RGS7: variants seen among roughly 807,000 people sequenced by gnomAD.
The protein encoded by RGS7 is regulator of G-protein signaling 7.
RGS7 carries 27 observed loss-of-function variants against 81.1 expected under a neutral mutation model. The observed-to-expected ratio is 0.33, with a 90% CI of 0.25 to 0.46. The LOEUF (loss-of-function observed/expected upper bound fraction) is 0.46, where lower values mean the gene tolerates loss of function less well. Among genes scored for constraint, RGS7 ranks in the 20% least tolerant of loss-of-function variants. The pLI is 1.00. For synonymous variants in RGS7, 208 were observed against 207.7 expected (o/e 1.00, Z -0.01); for missense variants, 396 against 607.4 (o/e 0.65, Z 3.66).
intron 2 of RGS7, among the ~76,000 whole-genome samples, chr1:241,114,496 T>TA (rs377633335): frequency 1.9e-4 from 29 of 149,780 alleles, no homozygotes; most frequent in African/African-American, 3.2e-4. Context: ...ACTTCCACAT[T>TA]AAAAAAAAAA....
chr1:241,347,491 C>A (rs540205145), intron 2 of RGS7, among the ~76,000 whole-genome samples: 1 of 152,074 alleles, frequency 6.6e-6, no homozygotes. Flanking sequence ...CCTTTTATAC[C>A]TCAATTTAAA....
chr1:241,305,804 G>T, intron 2 of RGS7: 2 of 277,150 alleles, frequency 7.2e-6, no homozygotes, highest in Non-Finnish European at 1.4e-5. Flanking sequence ...TGAGGCGCCC[G>T]CTTGGCTGTG....
At chr1:240,928,919 G>T (rs2148336391) in intron 6 of RGS7, among the ~76,000 whole-genome samples, 1 of 152,282 alleles carries the variant, frequency 6.6e-6, no homozygotes, top group South Asian at 2.1e-4. Context: ...CTGGGAATTT[G>T]CTTTTCAACA....
rs912177288 is a variant in RGS7, at chr1:241,004,167, T to G, written c.176-21038A>C. The stretch of plus-strand genomic sequence containing the variant: ...GAGAAAGTTAAATCATTCTGACTAC[T>G]GCCTTTAATCCAAGACTAAGGCCTG... On this transcript the variant is annotated intron_variant, in intron 3 of 18. Transcript: ENST00000440928. 3.3e-5 allele frequency among the ~76,000 whole-genome samples: 5 copies of G among 152,232 alleles called. 1 individual carries two copies. In the East Asian group the frequency reaches 9.6e-4, roughly 29 times the overall value.
chr1:241,009,541 T>C (rs145367094), intron 3 of RGS7, among the ~76,000 whole-genome samples: 1 of 152,340 alleles, frequency 6.6e-6, no homozygotes, highest in African/African-American at 2.4e-5. Context: ...AAGGAGTCTA[T>C]AGTGACCTGA....
intron 2 of RGS7, among the ~76,000 whole-genome samples, chr1:241,259,667 A>AAATATATATAT: frequency 1.0e-4 from 5 of 49,134 alleles, no homozygotes; most frequent in African/African-American, 4.0e-4. Context: ...AAAAAAAAAA[A>AAATATATATAT]ATATATATAT....
At chr1:240,853,698 G>GATC (rs886417434) in intron 9 of RGS7, among the ~76,000 whole-genome samples, 5 of 151,920 alleles carry the variant, frequency 3.3e-5, no homozygotes, top group East Asian at 1.9e-4. Context: ...GAGGGCAGGA[G>GATC]GAGACCATAC....
chr1:241,333,801 TTAGATA>T (rs1402129299), intron 2 of RGS7, among the ~76,000 whole-genome samples: 1 of 152,072 alleles, frequency 6.6e-6, no homozygotes, highest in East Asian at 1.9e-4. Flanking sequence ...ATTTTTAGCT[TTAGATA>T]TCTTCTCCAG....
intron 6 of RGS7, among the ~76,000 whole-genome samples, chr1:240,921,794 G>C (rs1673588333): frequency 6.6e-6 from 1 of 152,046 alleles, no homozygotes; most frequent in South Asian, 2.1e-4. Context: ...ATGTGGATAA[G>C]AAGACTCAAT....
chr1:241,171,695 G>A (rs2070744102), intron 2 of RGS7, among the ~76,000 whole-genome samples: 1 of 152,168 alleles, frequency 6.6e-6, no homozygotes, highest in South Asian at 2.1e-4. Flanking sequence ...TATTTTGAGA[G>A]ATAGATGGAT....
At chr1:241,039,908 G>A (rs765430739) in intron 3 of RGS7, among the ~76,000 whole-genome samples, 4 of 151,834 alleles carry the variant, frequency 2.6e-5, no homozygotes, top group Non-Finnish European at 5.9e-5. Context: ...CCTGTGTTAA[G>A]ACACTAAGAT....
At chr1:241,287,659 G>A (rs770537152) in intron 2 of RGS7, among the ~76,000 whole-genome samples, 2 of 151,932 alleles carry the variant, frequency 1.3e-5, no homozygotes, top group African/African-American at 4.8e-5. Flanking sequence ...GTCCTGCCTC[G>A]TGTAATGGTC....
At chr1:241,296,405 C>T (rs1304556954) in intron 2 of RGS7, among the ~76,000 whole-genome samples, 1 of 152,132 alleles carries the variant, frequency 6.6e-6, no homozygotes, top group African/African-American at 2.4e-5. Flanking sequence ...TGCACACTGA[C>T]AAGTCGCTAC....
chr1:241,201,614 C>T (rs983126277), intron 2 of RGS7, among the ~76,000 whole-genome samples: 5 of 151,880 alleles, frequency 3.3e-5, no homozygotes, highest in African/African-American at 1.2e-4. Flanking sequence ...AGAACCAACA[C>T]CACTTTTTTT....
intron 10 of RGS7, among the ~76,000 whole-genome samples, chr1:240,822,502 CAA>C (rs1186122605): frequency 2.6e-5 from 4 of 152,138 alleles, no homozygotes; most frequent in African/African-American, 9.7e-5. Context: ...ATCAAAAATA[CAA>C]AGTCTGGGTT....
chr1:240,829,535 T>C (rs1693443234), intron 9 of RGS7, among the ~76,000 whole-genome samples: 1 of 152,224 alleles, frequency 6.6e-6, no homozygotes, highest in African/African-American at 2.4e-5. Flanking sequence ...GAGTTTTCAC[T>C]TTCCATTCGA....
chr1:240,887,354 G>A (rs551729270), intron 6 of RGS7, among the ~76,000 whole-genome samples: 1 of 149,418 alleles, frequency 6.7e-6, no homozygotes, highest in South Asian at 2.1e-4. Flanking sequence ...TCAGCCTCCC[G>A]AGTAGCTGGG....
At chr1:240,931,771 G>T (rs765198293) in intron 5 of RGS7, among the ~76,000 whole-genome samples, 16 of 152,066 alleles carry the variant, frequency 1.1e-4, no homozygotes, top group Non-Finnish European at 1.9e-4. Context: ...TCTAGAAACT[G>T]ACTGACTAAA....
At position 241,276,540 on chromosome 1, in the gene RGS7, C is replaced by T. The variant is rs117882393; in HGVS notation, c.78+79159G>A. Among the ~76,000 whole-genome samples the T allele has an allele frequency of 1.8e-4, 28 of 152,282 alleles. 1 individual carries two copies. The East Asian group carries it at 3.9e-3, about 21-fold the overall frequency. Reference sequence around the variant, plus strand: ...TTTGCTAAATGGGTTTAAGGAGCAACGATGACAATCTGCTACGATTTGCAT... The same window carrying T: ...TTTGCTAAATGGGTTTAAGGAGCAATGATGACAATCTGCTACGATTTGCAT... On this transcript the variant is annotated intron_variant, in intron 2 of 18. Transcript: ENST00000440928.
Sources: gnomAD v4.1 joint callset for allele counts (sites outside exome capture counted in the v4.1 genomes callset) on GRCh38, gnomAD v4.1.1 for gene constraint, MANE v1.5 for transcripts, NCBI Gene and HGNC (gene_info 2026-07-23, HGNC 2026-07-21) for gene names.